The following ANKRD44 variants were observed in gnomAD, a reference collection of about 807,000 sequenced individuals.
ANKRD44 encodes the protein ankyrin repeat domain 44, also known as serine/threonine-protein phosphatase 6 regulatory ankyrin repeat subunit B.
A neutral mutation model predicts 116.0 loss-of-function variants in ANKRD44; 35 were observed. That is an observed-to-expected ratio of 0.30 (90% CI 0.23 to 0.40). The LOEUF (loss-of-function observed/expected upper bound fraction) is 0.40, where lower values mean the gene tolerates loss of function less well. Ranked by LOEUF, ANKRD44 falls within the 10% of genes least tolerant of loss-of-function variation. ANKRD44 has a pLI of 1.00. For missense variants in ANKRD44, 1,014 were observed against 1,242.6 expected, an observed-to-expected ratio of 0.82 and a Z score of 2.77; for synonymous variants, 435 against 461.8, an observed-to-expected ratio of 0.94 and a Z score of 0.74.
chr2:197,137,805 G>A (rs572152410), intron 3 of ANKRD44, among the ~76,000 whole-genome samples: 1 of 152,256 alleles, frequency 6.6e-6, no homozygotes, highest in East Asian at 1.9e-4. Flanking sequence ...ATGAATTGTT[G>A]CTTAATTTAT....
At chr2:197,276,468 T>C (rs1307605759) in intron 1 of ANKRD44, among the ~76,000 whole-genome samples, 1 of 151,976 alleles carries the variant, frequency 6.6e-6, no homozygotes, top group Non-Finnish European at 1.5e-5. Context: ...TTTTTGCCCT[T>C]ATTTCTAGGG....
intron 22 of ANKRD44, among the ~76,000 whole-genome samples, chr2:197,001,532 C>T (rs1164239477): frequency 2.6e-5 from 4 of 152,136 alleles, no homozygotes; most frequent in Admixed American, 1.3e-4. Context: ...CGAGATTTCC[C>T]GAGGGTGGCA....
chr2:197,100,372 T>C (rs2078263534), intron 9 of ANKRD44, among the ~76,000 whole-genome samples: 1 of 152,064 alleles, frequency 6.6e-6, no homozygotes, highest in Non-Finnish European at 1.5e-5. Flanking sequence ...GAGGCAGAGA[T>C]TGCAGTGAGC....
chr2:197,306,393 T>C (rs145337146), intron 1 of ANKRD44, among the ~76,000 whole-genome samples: 36 of 152,274 alleles, frequency 2.4e-4, no homozygotes, highest in African/African-American at 7.9e-4. Context: ...CACCACCACC[T>C]ACCTCCTAGT....
intron 1 of ANKRD44, among the ~76,000 whole-genome samples, chr2:197,282,930 A>G (rs912742666): frequency 6.6e-6 from 1 of 152,338 alleles, no homozygotes; most frequent in Middle Eastern, 3.4e-3. Context: ...ACTGTTATGA[A>G]TTTAAAATAT....
intron 2 of ANKRD44, among the ~76,000 whole-genome samples, chr2:197,164,313 T>C (rs2697249): frequency 0.93 from 141,998 of 152,270 alleles, 66,957 homozygotes; most frequent in East Asian, 1. Flanking sequence ...GACCCCTCTC[T>C]GGCAGCACAA....
chr2:197,231,790 C>T (rs1204823862), intron 1 of ANKRD44, among the ~76,000 whole-genome samples: 1 of 152,086 alleles, frequency 6.6e-6, no homozygotes, highest in Non-Finnish European at 1.5e-5. Context: ...CTTGTTCATG[C>T]ATCTGTCATG....
intron 2 of ANKRD44, among the ~76,000 whole-genome samples, chr2:197,163,045 AT>A (rs2080009059): frequency 6.6e-6 from 1 of 151,982 alleles, no homozygotes; most frequent in Admixed American, 6.6e-5. Flanking sequence ...GTTCTCATCT[AT>A]CCCTAACCTT....
At chr2:197,213,346 T>C (rs2697301) in intron 1 of ANKRD44, among the ~76,000 whole-genome samples, 10,449 of 152,236 alleles carry the variant, frequency 0.069, 1,078 homozygotes, top group African/African-American at 0.22. Flanking sequence ...TCCAACCAGT[T>C]TTCTGGTTTT....
chr2:197,102,183 C>T (rs1375408323), intron 9 of ANKRD44, among the ~76,000 whole-genome samples: 8 of 152,102 alleles, frequency 5.3e-5, no homozygotes, highest in Admixed American at 2.0e-4. Flanking sequence ...TTTTCCATTG[C>T]ACAGTTGTAC....
intron 16 of ANKRD44, among the ~76,000 whole-genome samples, chr2:197,028,259 G>C (rs1001218627): frequency 6.6e-6 from 1 of 151,990 alleles, no homozygotes; most frequent in Non-Finnish European, 1.5e-5. Context: ...GTCTCACTCT[G>C]CCACCCTGAC....
chr2:197,195,463 T>A (rs1203531081), intron 1 of ANKRD44, among the ~76,000 whole-genome samples: 1 of 152,202 alleles, frequency 6.6e-6, no homozygotes. Flanking sequence ...AACTTTCCCA[T>A]CTTTTTTTTA....
At position 196,995,465 on chromosome 2, in the gene ANKRD44, A is replaced by G. The variant is rs1443297844; in HGVS notation, c.2749-4T>C. The G allele has an allele frequency of 6.3e-7, 1 of 1,593,088 alleles. No individual in the cohort carries two copies. The highest frequency in any genetic ancestry group is 8.6e-7 in the Non-Finnish European group (1 of 1,167,538). ...ACAAGGCACATTTTTCATGACCCTA[A>G]TAAAGAAAAAGAATGATAAGAAATG... On this transcript the variant is annotated splice_region_variant and splice_polypyrimidine_tract_variant and intron_variant, in intron 25 of 27. Transcript: ENST00000282272.
At chr2:197,038,170 T>C (rs1426504357) in intron 16 of ANKRD44, among the ~76,000 whole-genome samples, 2 of 152,108 alleles carry the variant, frequency 1.3e-5, no homozygotes, top group Non-Finnish European at 2.9e-5. Context: ...GATTTTGATG[T>C]GTCACTGTAG....
intron 1 of ANKRD44, among the ~76,000 whole-genome samples, chr2:197,276,489 G>C (rs2083089022): frequency 6.6e-6 from 1 of 151,848 alleles, no homozygotes; most frequent in South Asian, 2.1e-4. Context: ...TTATATATAA[G>C]AGTACTAATA....
At chr2:197,238,278 A>G (rs1284904547) in intron 1 of ANKRD44, among the ~76,000 whole-genome samples, 2 of 152,190 alleles carry the variant, frequency 1.3e-5, no homozygotes, top group Non-Finnish European at 2.9e-5. Context: ...GGCACTCATT[A>G]CATTTGCTGA....
At chr2:197,059,355 G>T (rs183262148) in intron 16 of ANKRD44, among the ~76,000 whole-genome samples, 64 of 152,230 alleles carry the variant, frequency 4.2e-4, no homozygotes, top group Non-Finnish European at 8.2e-4. Flanking sequence ...TATGCTTTGG[G>T]ACAGCATTTT....
intron 1 of ANKRD44, among the ~76,000 whole-genome samples, chr2:197,262,284 C>A (rs1301563619): frequency 6.6e-6 from 1 of 152,126 alleles, no homozygotes; most frequent in Non-Finnish European, 1.5e-5. Context: ...TATCTTAGAA[C>A]CCAGGCCCTA....
intron 16 of ANKRD44, among the ~76,000 whole-genome samples, chr2:197,056,635 T>C (rs2077209037): frequency 6.6e-6 from 1 of 152,190 alleles, no homozygotes; most frequent in African/African-American, 2.4e-5. Flanking sequence ...ATAGTTTTAA[T>C]GGAAATAACA....
Sources: gnomAD v4.1 joint callset for allele counts (sites outside exome capture counted in the v4.1 genomes callset) on GRCh38, gnomAD v4.1.1 for gene constraint, MANE v1.5 for transcripts, NCBI Gene and HGNC (gene_info 2026-07-23, HGNC 2026-07-21) for gene names.